TMED7: variants seen among roughly 807,000 people sequenced by gnomAD.
The protein encoded by TMED7 is transmembrane p24 trafficking protein 7.
In TMED7, 8 loss-of-function variants were observed where a neutral mutation model predicts 23.4. The observed-to-expected ratio is 0.34, with a 90% CI of 0.20 to 0.62. The LOEUF (loss-of-function observed/expected upper bound fraction) is 0.62, where lower values mean the gene tolerates loss of function less well. Ranked by LOEUF, TMED7 falls within the 20% of genes least tolerant of loss-of-function variation. TMED7 has a pLI of 0.77. For synonymous variants in TMED7, 121 were observed against 108.5 expected (o/e 1.12, Z -0.72); for missense variants, 232 against 279.1 (o/e 0.83, Z 1.20).
In TMED7 at chr5:115,614,160, T is replaced by C. The variant is rs569707483; in HGVS notation, c.*2049A>G. The C allele has an allele frequency of 2.6e-5, 4 of 152,268 alleles. No individual in the cohort carries two copies. Among genetic ancestry groups the C allele is most frequent in the South Asian group, 2.1e-4 (1 of 4,828 alleles). The allele number at this position is 152,268 out of a possible 1,614,324, so 9.4% of individuals were successfully genotyped here. A position where few individuals can be genotyped will look rare whatever the true frequency, so the allele number is the denominator to read the frequency against. On this transcript the variant is annotated 3_prime_UTR_variant, in exon 3 of 3. Coordinates refer to ENST00000456936, the MANE Select transcript of TMED7 (RefSeq NM_181836.6). ...TTACATACACATATCCAGTTGAGTA[T>C]AGACAACCATCAAAATGTAACCAGT...
rs370195051 is a variant in TMED7, at chr5:115,622,846, C to G, written c.193-2166G>C. ...CGTTCTATGTTCCTAAAATACCAGA[C>G]TACCAGAAATTCTCTGAACAAGTCT... On this transcript the variant is annotated intron_variant, in intron 1 of 2. Transcript: ENST00000456936. Among the ~76,000 whole-genome samples the G allele has an allele frequency of 5.9e-5, 9 of 152,168 alleles. No homozygotes were observed. In the East Asian group the frequency reaches 7.7e-4, roughly 13 times the overall value.
intron 1 of TMED7, 39 bp from the exon 2 acceptor site, chr5:115,620,719 G>A (rs1382121143): frequency 1.5e-6 from 2 of 1,359,242 alleles, no homozygotes; most frequent in Middle Eastern, 2.4e-4. Context: ...TGTGAAAAGT[G>A]TGAAAAATTA....
chr5:115,619,461 T>A (rs1756937572), intron 2 of TMED7, among the ~76,000 whole-genome samples: 1 of 152,170 alleles, frequency 6.6e-6, no homozygotes, highest in African/African-American at 2.4e-5. Flanking sequence ...TTCTTTTTCA[T>A]GCCTAATTGA....
Position 115,625,907 on chromosome 5 carries a change from AGCAGGTTCAC to A in TMED7, c.-125_-116del. On this transcript the variant is annotated 5_prime_UTR_variant, in exon 1 of 3. Transcript: ENST00000456936. ...GCCACCCCGCAAAGATACACAGCAG[AGCAGGTTCAC>A]GCCTGTGGGAGATTCGGGATCAGAG... The A allele has an allele frequency of 7.8e-7, 1 of 1,281,220 alleles. No individual in the cohort carries two copies. Among genetic ancestry groups the A allele is most frequent in the Non-Finnish European group, 9.9e-7 (1 of 1,012,070 alleles). The allele number at this position is 1,281,220 out of a possible 1,614,324, so 79.4% of individuals were successfully genotyped here.
chr5:115,619,609 T>C (rs763278077), intron 2 of TMED7, among the ~76,000 whole-genome samples: 36 of 152,148 alleles, frequency 2.4e-4, no homozygotes, highest in Non-Finnish European at 4.1e-4. Context: ...ATCTTTGTGA[T>C]GGAACCCAGG....
rs1756627471 is a variant in TMED7, at chr5:115,614,740, A to G, written c.*1469T>C. ...TTCCATGCAAGAAGTATATATATGC[A>G]TTTTAAGATAGCTTAGAATTAAGAG... On this transcript the variant is annotated 3_prime_UTR_variant, in exon 3 of 3. Coordinates refer to ENST00000456936, the MANE Select transcript of TMED7 (RefSeq NM_181836.6). 6.6e-6 allele frequency: 1 copy of G among 152,106 alleles called. No homozygotes were observed. The highest frequency in any genetic ancestry group is 2.4e-5 in the African/African-American group (1 of 41,446). 9.4% of individuals were successfully genotyped at this position (152,106 alleles called of 1,614,324 possible). A position where few individuals can be genotyped will look rare whatever the true frequency, so the allele number is the denominator to read the frequency against.
rs1756545785 is a variant in TMED7 at position 115,613,362 on chromosome 5, C to G, written c.*2847G>C. The G allele has an allele frequency of 6.6e-6, 1 of 152,288 alleles. No homozygotes were observed. The highest frequency in any genetic ancestry group is 6.5e-5 in the Admixed American group (1 of 15,302). The allele number at this position is 152,288 out of a possible 1,614,324, so 9.4% of individuals were successfully genotyped here. A position where few individuals can be genotyped will look rare whatever the true frequency, so the allele number is the denominator to read the frequency against. On this transcript the variant is annotated 3_prime_UTR_variant, in exon 3 of 3. Coordinates refer to ENST00000456936, the MANE Select transcript of TMED7 (RefSeq NM_181836.6). Reference sequence around the variant, plus strand: ...TACAGACGTGGTATTTCTCTTTCACCTTCTTTCTTGGACAGTCCCTCAGAT... The same window carrying G: ...TACAGACGTGGTATTTCTCTTTCACGTTCTTTCTTGGACAGTCCCTCAGAT...
chr5:115,618,154 G>GAA (rs1369078540), intron 2 of TMED7, among the ~76,000 whole-genome samples: 4 of 152,104 alleles, frequency 2.6e-5, no homozygotes, highest in African/African-American at 9.7e-5. Flanking sequence ...AAAGTATTGA[G>GAA]AAAAGTACAA....
In TMED7 at chr5:115,621,202, C is replaced by T. The variant is rs143568173; in HGVS notation, c.193-522G>A. Among the ~76,000 whole-genome samples, 702 of 152,322 alleles carry T rather than the reference C, an allele frequency of 4.6e-3. 6 individuals are homozygous for T. The highest frequency in any genetic ancestry group is 0.016 in the African/African-American group (649 of 41,578). Reference sequence around the variant, plus strand: ...CAAGGTAGGCCAATCCTTAGGATTACACCCCATTCATACTTCTATCATAGA... The same window carrying T: ...CAAGGTAGGCCAATCCTTAGGATTATACCCCATTCATACTTCTATCATAGA... On this transcript the variant is annotated intron_variant, in intron 1 of 2. Coordinates refer to ENST00000456936, the MANE Select transcript of TMED7 (RefSeq NM_181836.6).
intron 1 of TMED7, among the ~76,000 whole-genome samples, chr5:115,624,120 G>A (rs1757124301): frequency 1.3e-5 from 2 of 152,118 alleles, no homozygotes; most frequent in South Asian, 4.1e-4. Context: ...AGTATCCTTA[G>A]CACTAATCAC....
At chr5:115,625,174 T>C (rs1202606970) in intron 1 of TMED7, among the ~76,000 whole-genome samples, 1 of 152,232 alleles carries the variant, frequency 6.6e-6, no homozygotes, top group Admixed American at 6.5e-5. Context: ...AGGACCGTAT[T>C]AACCAACAGT....
chr5:115,618,880 T>C lies in TMED7; in HGVS notation c.438+1555A>G, dbSNP rs73260563. Reference sequence around the variant, plus strand: ...GGTAAAAAATGGTGAGAGTAAAACTTTTATCATTTATTCTGCATTACTAGC... The same window carrying C: ...GGTAAAAAATGGTGAGAGTAAAACTCTTATCATTTATTCTGCATTACTAGC... On this transcript the variant is annotated intron_variant, in intron 2 of 2. Transcript: ENST00000456936. Among the ~76,000 whole-genome samples, 1,357 of 152,302 alleles carry C rather than the reference T, an allele frequency of 8.9e-3. 14 individuals are homozygous for C. Among genetic ancestry groups the C allele is most frequent in the African/African-American group, 0.031 (1,292 of 41,556 alleles).
At chr5:115,619,272 A>G (rs931111611) in intron 2 of TMED7, 2 of 152,176 alleles carry the variant, frequency 1.3e-5, no homozygotes, top group African/African-American at 4.8e-5. Context: ...TAAAGAGAAC[A>G]TTTCTAAAAT....
At chr5:115,621,505 A>C (rs1181320966) in intron 1 of TMED7, among the ~76,000 whole-genome samples, 2 of 152,206 alleles carry the variant, frequency 1.3e-5, no homozygotes, top group Non-Finnish European at 2.9e-5. Context: ...CCAGTACTTA[A>C]TGGCAAACAT....
At position 115,625,924 on chromosome 5, in the gene TMED7, G is replaced by A. The variant is rs1314690263; in HGVS notation, c.-132C>T. The A allele has an allele frequency of 1.7e-6, 2 of 1,211,054 alleles. No homozygotes were observed. Among genetic ancestry groups the A allele is most frequent in the East Asian group, 3.2e-5 (1 of 30,788 alleles). The allele number at this position is 1,211,054 out of a possible 1,614,324, so 75.0% of individuals were successfully genotyped here. On this transcript the variant is annotated 5_prime_UTR_variant, in exon 1 of 3. Coordinates refer to ENST00000456936, the MANE Select transcript of TMED7 (RefSeq NM_181836.6). ...CACAGCAGAGCAGGTTCACGCCTGT[G>A]GGAGATTCGGGATCAGAGCGACCCT...
chr5:115,625,565 C>T (rs753241117), intron 1 of TMED7, 36 bp downstream of exon 1: 1 of 1,495,444 alleles, frequency 6.7e-7, no homozygotes, highest in Admixed American at 2.2e-5. Flanking sequence ...CCTGGAGCCG[C>T]GAGTTGGGGC....
At chr5:115,616,594 C>A (rs757425259) in intron 2 of TMED7, 149 bp from the exon 3 acceptor site, 22 of 1,183,518 alleles carry the variant, frequency 1.9e-5, no homozygotes, top group Admixed American at 2.5e-5. Context: ...TGCCAGTTGT[C>A]TTTGCAATGA....
chr5:115,623,883 G>A (rs1757116685), intron 1 of TMED7, among the ~76,000 whole-genome samples: 1 of 152,204 alleles, frequency 6.6e-6, no homozygotes, highest in Non-Finnish European at 1.5e-5. Flanking sequence ...CAGTCTCTGG[G>A]AGGTAGTATA....
rs144998025 is a variant in TMED7, at chr5:115,621,900, G to GGATCTGT, written c.193-1227_193-1221dup. ...AGGTCAAACTTTGGATTTAAAAGAA[G>GGATCTGT]GATCTGTGTGACCTTTTCTCACTTG... On this transcript the variant is annotated intron_variant, in intron 1 of 2. Coordinates refer to ENST00000456936, the MANE Select transcript of TMED7 (RefSeq NM_181836.6). 8.9e-3 allele frequency among the ~76,000 whole-genome samples: 1,349 copies of GGATCTGT among 152,250 alleles called. 15 individuals carry two copies. Among genetic ancestry groups the GGATCTGT allele is most frequent in the African/African-American group, 0.031 (1,284 of 41,548 alleles).
Sources: allele counts gnomAD v4.1 joint callset (sites outside exome capture counted in the v4.1 genomes callset), GRCh38; gene constraint gnomAD v4.1.1; transcripts MANE v1.5; gene names NCBI Gene and HGNC (gene_info 2026-07-23, HGNC 2026-07-21).